PACS1: variants seen among roughly 807,000 people sequenced by gnomAD.
PACS1 encodes the protein phosphofurin acidic cluster sorting protein 1.
Under a neutral mutation model 115.0 loss-of-function variants are expected in PACS1, and 24 were observed. The ratio of observed to expected loss-of-function variants is 0.21; its 90% CI spans 0.15 to 0.29. The LOEUF (loss-of-function observed/expected upper bound fraction) is 0.29, where lower values mean the gene tolerates loss of function less well. Among genes scored for constraint, PACS1 ranks in the 10% least tolerant of loss-of-function variants. The pLI, the probability that PACS1 is intolerant of heterozygous loss-of-function variation, is 1.00. For synonymous variants in PACS1, 453 were observed against 504.5 expected, an observed-to-expected ratio of 0.90 and a Z score of 1.37; for missense variants, 838 against 1,251.2, an observed-to-expected ratio of 0.67 and a Z score of 4.98.
intron 1 of PACS1, among the ~76,000 whole-genome samples, chr11:66,072,335 T>A (rs1323506323): frequency 2.6e-5 from 4 of 152,206 alleles, no homozygotes; most frequent in Non-Finnish European, 4.4e-5. Context: ...ACACCCACAG[T>A]AATGCACACA....
At chr11:66,111,068 G>A (rs1490831409) in intron 1 of PACS1, among the ~76,000 whole-genome samples, 9 of 152,170 alleles carry the variant, frequency 5.9e-5, no homozygotes, top group Admixed American at 5.9e-4. Flanking sequence ...ATCATTGAGT[G>A]TACTTACACA....
intron 1 of PACS1, among the ~76,000 whole-genome samples, chr11:66,076,087 C>T (rs747391244): frequency 2.6e-5 from 4 of 152,304 alleles, no homozygotes; most frequent in East Asian, 1.9e-4. Flanking sequence ...TTGAATTTCA[C>T]ATTGTGAGTG....
rs1858492378 is a variant in PACS1, at chr11:66,123,450, C to G, written c.356+52608C>G. Among the ~76,000 whole-genome samples, 5 of 152,276 alleles carry G rather than the reference C, an allele frequency of 3.3e-5. No individual in the cohort carries two copies. In the South Asian group the frequency reaches 1.0e-3, roughly 32 times the overall value. On this transcript the variant is annotated intron_variant, in intron 1 of 23. Transcript: ENST00000320580. ...AAGGTGATCCACCTGCCTCGGCCTC[C>G]CAAAATGCTGGGATTATAGGCGTGA...
chr11:66,172,480 C>T (rs1859762062), intron 1 of PACS1, among the ~76,000 whole-genome samples: 1 of 152,148 alleles, frequency 6.6e-6, no homozygotes, highest in African/African-American at 2.4e-5. Context: ...GGGAAGATTC[C>T]ATGTGGAGAG....
chr11:66,082,457 A>C (rs764676936), intron 1 of PACS1, among the ~76,000 whole-genome samples: 3 of 152,182 alleles, frequency 2.0e-5, no homozygotes, highest in Non-Finnish European at 4.4e-5. Context: ...TCAGCTTCGC[A>C]AAGTATTGGG....
At chr11:66,221,525 A>G (rs945414993) in intron 10 of PACS1, 3 of 381,670 alleles carry the variant, frequency 7.9e-6, no homozygotes, top group African/African-American at 6.1e-5. Flanking sequence ...GTGCACCTGT[A>G]GTCCCAGCTA....
chr11:66,103,907 C>A (rs1857975944), intron 1 of PACS1, among the ~76,000 whole-genome samples: 1 of 152,058 alleles, frequency 6.6e-6, no homozygotes, highest in Admixed American at 6.6e-5. Context: ...AGGGGCAGTG[C>A]TGTTTTATCT....
chr11:66,232,811 G>A (rs1029848541), intron 14 of PACS1, 149 bp from the exon 15 acceptor site: 21 of 657,576 alleles, frequency 3.2e-5, no homozygotes, highest in South Asian at 5.6e-5. Context: ...CTGGCAGTCC[G>A]GAGACCTGGC....
intron 7 of PACS1, chr11:66,217,984 A>G (rs1855252482): frequency 5.0e-6 from 1 of 200,616 alleles, no homozygotes; most frequent in South Asian, 7.6e-5. Context: ...CTGCTAATGT[A>G]TACTCCCCCA....
intron 14 of PACS1, among the ~76,000 whole-genome samples, chr11:66,232,606 G>A (rs547292667): frequency 1.3e-5 from 2 of 152,182 alleles, no homozygotes; most frequent in African/African-American, 2.4e-5. Flanking sequence ...AGAAGCACCC[G>A]GCTGTAACCT....
At chr11:66,196,576 A>C (rs929713263) in intron 2 of PACS1, among the ~76,000 whole-genome samples, 1 of 152,232 alleles carries the variant, frequency 6.6e-6, no homozygotes, top group Admixed American at 6.5e-5. Flanking sequence ...CAGGGAAAAC[A>C]ACTTAATATT....
intron 11 of PACS1, 34 bp downstream of exon 11, chr11:66,227,618 T>C: frequency 1.5e-6 from 2 of 1,362,710 alleles, no homozygotes; most frequent in Non-Finnish European, 2.1e-6. Context: ...TTCAGCTGTT[T>C]CAAATAGTGT....
At chr11:66,139,301 C>T (rs1281196028) in intron 1 of PACS1, among the ~76,000 whole-genome samples, 1 of 152,010 alleles carries the variant, frequency 6.6e-6, no homozygotes, top group Admixed American at 6.6e-5. Flanking sequence ...AGTGGGGTGT[C>T]CAACTCAAGC....
intron 2 of PACS1, among the ~76,000 whole-genome samples, chr11:66,202,745 ATATATATATAT>A (rs1565145286): frequency 0.072 from 2,206 of 30,694 alleles, 523 homozygotes; most frequent in Non-Finnish European, 0.1. Flanking sequence ...AAAAAAAAAT[ATATATATATAT>A]ATATATATAT....
intron 1 of PACS1, among the ~76,000 whole-genome samples, chr11:66,140,230 T>C (rs1858946204): frequency 6.6e-6 from 1 of 152,168 alleles, no homozygotes; most frequent in Non-Finnish European, 1.5e-5. Context: ...TCTGACAAGC[T>C]TTTAGAGGGT....
At chr11:66,081,910 A>G (rs1000531738) in intron 1 of PACS1, among the ~76,000 whole-genome samples, 9 of 152,220 alleles carry the variant, frequency 5.9e-5, no homozygotes, top group African/African-American at 2.2e-4. Flanking sequence ...CTCAAGCCAT[A>G]GAAAAACTAC....
chr11:66,075,137 G>A (rs1458899603), intron 1 of PACS1, among the ~76,000 whole-genome samples: 2 of 151,778 alleles, frequency 1.3e-5, no homozygotes, highest in East Asian at 1.9e-4. Flanking sequence ...TACAGATGGC[G>A]TTTCACTGTG....
intron 1 of PACS1, among the ~76,000 whole-genome samples, chr11:66,175,208 A>G (rs1218398361): frequency 1.3e-5 from 2 of 152,140 alleles, no homozygotes; most frequent in Non-Finnish European, 2.9e-5. Flanking sequence ...TGTAAATTAA[A>G]CCAATACGGT....
chr11:66,121,954 ACAAC>A (rs955557789), intron 1 of PACS1, among the ~76,000 whole-genome samples: 20 of 152,248 alleles, frequency 1.3e-4, no homozygotes, highest in Admixed American at 1.3e-3. Context: ...GCTACACTAA[ACAAC>A]AGATTTTCAG....
Sources: allele counts gnomAD v4.1 joint callset (sites outside exome capture counted in the v4.1 genomes callset), GRCh38; gene constraint gnomAD v4.1.1; transcripts MANE v1.5; gene names NCBI Gene and HGNC (gene_info 2026-07-23, HGNC 2026-07-21).